Variants in GPC5 observed in about 807,000 individuals in gnomAD.
GPC5 encodes glypican 5, also known as glypican-5.
In GPC5, 47 loss-of-function variants were observed where a neutral mutation model predicts 53.9. The ratio of observed to expected loss-of-function variants is 0.87; its 90% confidence interval spans 0.69 to 1.11. GPC5 has a LOEUF of 1.11. Among genes scored for constraint, GPC5 ranks in the 50% most tolerant of loss-of-function variants. The pLI, the probability that GPC5 is intolerant of heterozygous loss-of-function variation, is 0.00. For synonymous variants in GPC5, 286 were observed against 263.3 expected (o/e 1.09, Z -0.84); for missense variants, 748 against 713.1 (o/e 1.05, Z -0.56).
chr13:91,843,834 T>G (rs2038818246), intron 5 of GPC5, among the ~76,000 whole-genome samples: 1 of 152,146 alleles, frequency 6.6e-6, no homozygotes, highest in Admixed American at 6.6e-5. Context: ...GTAGCTCCTG[T>G]TGCGGTGACT....
intron 7 of GPC5, among the ~76,000 whole-genome samples, chr13:92,246,295 C>G (rs2042650362): frequency 6.6e-6 from 1 of 151,846 alleles, no homozygotes. Context: ...TTCTTTATTT[C>G]TATAATAATA....
At chr13:91,568,328 T>C (rs1226274514) in intron 2 of GPC5, among the ~76,000 whole-genome samples, 1 of 152,170 alleles carries the variant, frequency 6.6e-6, no homozygotes, top group Non-Finnish European at 1.5e-5. Flanking sequence ...TGAATCTGAA[T>C]CTATATTTTA....
At chr13:91,942,251 A>G (rs2039934284) in intron 6 of GPC5, among the ~76,000 whole-genome samples, 1 of 152,088 alleles carries the variant, frequency 6.6e-6, no homozygotes, top group South Asian at 2.1e-4. Context: ...TTTACTCAGA[A>G]TTATATGAGT....
intron 7 of GPC5, among the ~76,000 whole-genome samples, chr13:92,739,365 C>G (rs1405527754): frequency 6.6e-6 from 1 of 151,992 alleles, no homozygotes; most frequent in Non-Finnish European, 1.5e-5. Context: ...GCATGAGGAA[C>G]AATGTAAAGG....
intron 7 of GPC5, among the ~76,000 whole-genome samples, chr13:92,667,305 G>A (rs1886609002): frequency 2.0e-5 from 3 of 152,044 alleles, no homozygotes; most frequent in East Asian, 1.9e-4. Context: ...AGAGGGAGAC[G>A]AATTGGAGGA....
intron 6 of GPC5, among the ~76,000 whole-genome samples, chr13:92,028,965 G>T (rs1210308898): frequency 6.6e-6 from 1 of 152,126 alleles, no homozygotes; most frequent in Non-Finnish European, 1.5e-5. Flanking sequence ...GATTATATTT[G>T]TTCCCTGAAC....
chr13:92,602,159 T>A (rs867331295), intron 7 of GPC5, among the ~76,000 whole-genome samples: 6 of 145,184 alleles, frequency 4.1e-5, no homozygotes, highest in African/African-American at 1.5e-4. Flanking sequence ...ATATACACAC[T>A]ATATACAAAT....
At chr13:92,265,775 T>A (rs2139147936) in intron 7 of GPC5, among the ~76,000 whole-genome samples, 1 of 152,288 alleles carries the variant, frequency 6.6e-6, no homozygotes, top group African/African-American at 2.4e-5. Context: ...TACCAATTTG[T>A]CTTAGTCCAT....
chr13:91,585,514 A>C (rs1014330004), intron 2 of GPC5, among the ~76,000 whole-genome samples: 2 of 152,206 alleles, frequency 1.3e-5, no homozygotes, highest in Admixed American at 1.3e-4. Flanking sequence ...TACCATCATG[A>C]TGATGAGCAA....
At chr13:92,235,657 G>T (rs1480682521) in intron 7 of GPC5, among the ~76,000 whole-genome samples, 1 of 152,038 alleles carries the variant, frequency 6.6e-6, no homozygotes, top group Non-Finnish European at 1.5e-5. Flanking sequence ...AAATGATTAG[G>T]AATGATAAGT....
intron 7 of GPC5, among the ~76,000 whole-genome samples, chr13:92,353,266 C>CAAAAAAAAAAAAAAA (rs563794696): frequency 2.4e-4 from 16 of 66,878 alleles, no homozygotes; most frequent in Admixed American, 5.1e-4. Context: ...GACTCCGTCT[C>CAAAAAAAAAAAAAAA]AAAAAAAAAA....
intron 2 of GPC5, among the ~76,000 whole-genome samples, chr13:91,508,830 A>C (rs1465369710): frequency 1.3e-5 from 2 of 152,176 alleles, no homozygotes; most frequent in East Asian, 1.9e-4. Flanking sequence ...CCATTCCATA[A>C]ATTTAACCCA....
At chr13:92,624,015 C>T (rs560617243) in intron 7 of GPC5, among the ~76,000 whole-genome samples, 13 of 125,078 alleles carry the variant, frequency 1.0e-4, no homozygotes, top group South Asian at 9.3e-4. Context: ...CCACCATGCT[C>T]GGCTAATTTT....
At chr13:92,554,636 A>G (rs1268649794) in intron 7 of GPC5, among the ~76,000 whole-genome samples, 2 of 151,534 alleles carry the variant, frequency 1.3e-5, no homozygotes, top group Non-Finnish European at 3.0e-5. Context: ...TCAAATATAA[A>G]CAAGACAGAA....
In GPC5 at chr13:92,026,573, C is replaced by T. The variant is rs544310052; in HGVS notation, c.1402-118257C>T. Among the ~76,000 whole-genome samples, 16 of 151,338 alleles carry T rather than the reference C, an allele frequency of 1.1e-4. No individual in the cohort carries two copies. In the South Asian group the frequency reaches 3.3e-3, roughly 32 times the overall value. The stretch of plus-strand genomic sequence containing the variant: ...CCATGCAAATAATGAGGTCCAGCTA[C>T]CTTATAAAAAATTATCCTATTTTAT... On this transcript the variant is annotated intron_variant, in intron 6 of 7. Transcript: ENST00000377067.
intron 5 of GPC5, among the ~76,000 whole-genome samples, chr13:91,761,991 CA>C (rs1489334177): frequency 6.6e-6 from 1 of 152,160 alleles, no homozygotes; most frequent in Non-Finnish European, 1.5e-5. Flanking sequence ...AGGATTTTAG[CA>C]AATGCCAAGA....
chr13:92,718,871 A>G (rs1293423978), intron 7 of GPC5, among the ~76,000 whole-genome samples: 3 of 149,882 alleles, frequency 2.0e-5, no homozygotes, highest in Non-Finnish European at 4.4e-5. Context: ...AGCTTGGGCA[A>G]CAGAGTGAGA....
Position 92,480,369 on chromosome 13 carries a change from ATTC to A in GPC5, c.1561+335383_1561+335385del, listed in dbSNP as rs1256857247. ...AAAGTAAAAAGCTTAAATAATCTTT[ATTC>A]TTAGGACAGTGTTTTTCAAATAAGG... On this transcript the variant is annotated intron_variant, in intron 7 of 7. Coordinates refer to ENST00000377067, the MANE Select transcript of GPC5 (RefSeq NM_004466.6). Among the ~76,000 whole-genome samples, 13 of 152,306 alleles carry A rather than the reference ATTC, an allele frequency of 8.5e-5. No homozygotes were observed. The East Asian group carries it at 2.5e-3, about 29-fold the overall frequency.
intron 1 of GPC5, among the ~76,000 whole-genome samples, chr13:91,421,985 A>G (rs1472612705): frequency 6.6e-6 from 1 of 152,204 alleles, no homozygotes; most frequent in Non-Finnish European, 1.5e-5. Context: ...GCCAACAGAA[A>G]CACAGTAATG....
Sources: gnomAD v4.1 joint callset for allele counts (sites outside exome capture counted in the v4.1 genomes callset) on GRCh38, gnomAD v4.1.1 for gene constraint, MANE v1.5 for transcripts, NCBI Gene and HGNC (gene_info 2026-07-23, HGNC 2026-07-21) for gene names.